The following CLDN2 variants were observed in gnomAD, a reference collection of about 807,000 sequenced individuals.
The protein encoded by CLDN2 is claudin-2.
CLDN2 carries 1 observed loss-of-function variant against 8.2 expected under a neutral mutation model. The ratio of observed to expected loss-of-function variants is 0.12; its 90% CI spans 0.04 to 0.58. The LOEUF (loss-of-function observed/expected upper bound fraction) is 0.58. Among genes scored for constraint, CLDN2 ranks in the 20% least tolerant of loss-of-function variants. CLDN2 has a pLI of 0.90. For synonymous variants in CLDN2, 70 were observed against 70.2 expected (o/e 1.00, Z 0.01); for missense variants, 108 against 172.9 (o/e 0.62, Z 2.11).
rs1933509285 is a variant in CLDN2 at position 106,928,982 on chromosome X, G to A, written c.*61G>A. Reference sequence around the variant, plus strand: ...TGTGAAAAACAGTGGACAGCACCCCGAGGGCCACAGGTGAGGGACACTACC... The same window carrying A: ...TGTGAAAAACAGTGGACAGCACCCCAAGGGCCACAGGTGAGGGACACTACC... On this transcript the variant is annotated 3_prime_UTR_variant, in exon 2 of 2. Coordinates refer to ENST00000336803, the MANE Select transcript of CLDN2 (RefSeq NM_020384.4). 17 of 969,729 alleles carry A rather than the reference G, an allele frequency of 1.8e-5. No homozygotes were observed. Among genetic ancestry groups the A allele is most frequent in the East Asian group, 3.1e-5 (1 of 32,355 alleles). 79.9% of individuals were successfully genotyped at this position (969,729 alleles called of 1,213,427 possible).
Position 106,927,393 on chromosome X carries a change from C to T in CLDN2, c.-178-658C>T, listed in dbSNP as rs189761496. On this transcript the variant is annotated intron_variant, in intron 1 of 1. Transcript: ENST00000336803. ...GAGTGCTCCCTCATCATCCAAGAGG[C>T]TGATGATGGGAGCATCTATTAGGAG... Among the ~76,000 whole-genome samples the T allele has an allele frequency of 5.4e-5, 6 of 111,178 alleles. No individual in the cohort carries two copies. In the East Asian group the frequency reaches 1.7e-3, roughly 32 times the overall value.
At chrX:106,903,332 T>G in intron 1 of CLDN2, 1 of 1,135,239 alleles carries the variant, frequency 8.8e-7, no homozygotes, top group Non-Finnish European at 1.2e-6. Context: ...TCCCAGAACC[T>G]TCTGCACTCT....
At chrX:106,915,379 C>A (rs912649271), upstream of CLDN2, among the ~76,000 whole-genome samples, 7 of 111,851 alleles carry the variant, frequency 6.3e-5, no homozygotes, top group African/African-American at 2.3e-4. Context: ...TTTTGTGGAC[C>A]AGTGGAATTA....
chrX:106,907,693 T>A (rs764134608), intron 1 of CLDN2, among the ~76,000 whole-genome samples: 15 of 95,908 alleles, frequency 1.6e-4, no homozygotes, highest in Non-Finnish European at 2.5e-4. Flanking sequence ...AGAGCGAGAC[T>A]CCGTCTCAAA....
chrX:106,906,562 C>T (rs1375206675), intron 1 of CLDN2, among the ~76,000 whole-genome samples: 1 of 111,276 alleles, frequency 9.0e-6, no homozygotes, highest in Non-Finnish European at 1.9e-5. Context: ...CTTCTACTTC[C>T]CTGAGAAAAC....
At chrX:106,914,251 A>C (rs2147789932), upstream of CLDN2, among the ~76,000 whole-genome samples, 1 of 111,316 alleles carries the variant, frequency 9.0e-6, no homozygotes, top group South Asian at 3.8e-4. Flanking sequence ...GCACCCGGCC[A>C]CAAACCCTCT....
chrX:106,917,616 T>TAGC (rs1933328942), upstream of CLDN2, among the ~76,000 whole-genome samples: 1 of 111,008 alleles, frequency 9.0e-6, no homozygotes, highest in Non-Finnish European at 1.9e-5. Flanking sequence ...TAGACTCCTC[T>TAGC]TTTCATAGCA....
At chrX:106,923,239 C>T (rs1324397167) in intron 1 of CLDN2, among the ~76,000 whole-genome samples, 1 of 112,516 alleles carries the variant, frequency 8.9e-6, no homozygotes, top group African/African-American at 3.2e-5. Context: ...TCCCAAAGTG[C>T]TGGGATTATA....
chrX:106,922,508 C>G (rs770186806), intron 1 of CLDN2, among the ~76,000 whole-genome samples: 1 of 112,509 alleles, frequency 8.9e-6, no homozygotes, highest in Non-Finnish European at 1.9e-5. Flanking sequence ...CAGCTGCCAT[C>G]CCAGGAAGGC....
Position 106,928,960 on chromosome X carries a change from G to C in CLDN2, c.*39G>C. ...AGAGCTGGGGGGTGGCTGGGTCTGT[G>C]AAAAACAGTGGACAGCACCCCGAGG... On this transcript the variant is annotated 3_prime_UTR_variant, in exon 2 of 2. Coordinates refer to ENST00000336803, the MANE Select transcript of CLDN2 (RefSeq NM_020384.4). 1 of 1,108,475 alleles carries C rather than the reference G, an allele frequency of 9.0e-7. No homozygotes were observed. The highest frequency in any genetic ancestry group is 1.2e-6 in the Non-Finnish European group (1 of 809,515). The allele number at this position is 1,108,475 out of a possible 1,213,427, so 91.4% of individuals were successfully genotyped here.
chrX:106,927,678 C>G (rs1338678683), intron 1 of CLDN2, among the ~76,000 whole-genome samples: 1 of 112,436 alleles, frequency 8.9e-6, no homozygotes, highest in Non-Finnish European at 1.9e-5. Context: ...GGATCTGTTC[C>G]TCCTGATGTA....
At chrX:106,902,089 GT>G in intron 1 of CLDN2, 1 of 1,056,324 alleles carries the variant, frequency 9.5e-7, no homozygotes, top group South Asian at 2.0e-5. Context: ...CCTGGTCACT[GT>G]TAATGCATGT....
At chrX:106,918,748 G>C (rs1336138378), upstream of CLDN2, among the ~76,000 whole-genome samples, 1 of 111,512 alleles carries the variant, frequency 9.0e-6, no homozygotes, top group Non-Finnish European at 1.9e-5. Context: ...GGGAATCCTT[G>C]GGAGGGAGTT....
In CLDN2 at chrX:106,930,680, T is replaced by A. The variant is rs1164875011; in HGVS notation, c.*1759T>A. On this transcript the variant is annotated 3_prime_UTR_variant, in exon 2 of 2. Transcript: ENST00000336803. The stretch of plus-strand genomic sequence containing the variant: ...CAACCCTCAATGTATAAATTGCTTC[T>A]TGATGCTTAGCATTCACAATTTTTG... The A allele has an allele frequency of 1.6e-5, 2 of 122,989 alleles. No homozygotes were observed. The highest frequency in any genetic ancestry group is 3.8e-5 in the Non-Finnish European group (2 of 53,177). The allele number at this position is 122,989 out of a possible 1,213,427, so 10.1% of individuals were successfully genotyped here.
At chrX:106,917,672 C>T (rs1464080445), upstream of CLDN2, among the ~76,000 whole-genome samples, 1 of 110,089 alleles carries the variant, frequency 9.1e-6, no homozygotes, top group African/African-American at 3.4e-5. Flanking sequence ...ACAGAGCTCT[C>T]TTTGATTTTC....
chrX:106,926,355 C>T (rs1443089267), intron 1 of CLDN2, among the ~76,000 whole-genome samples: 2 of 111,371 alleles, frequency 1.8e-5, no homozygotes, highest in Non-Finnish European at 3.8e-5. Context: ...AGTCTTGAAG[C>T]TCAGAAGGGT....
At position 106,930,032 on chromosome X, in the gene CLDN2, G is replaced by A. The variant is rs951313095; in HGVS notation, c.*1111G>A. The A allele has an allele frequency of 8.1e-6, 1 of 122,854 alleles. No individual in the cohort carries two copies. Among genetic ancestry groups the A allele is most frequent in the African/African-American group, 3.3e-5 (1 of 30,632 alleles). 10.1% of individuals were successfully genotyped at this position (122,854 alleles called of 1,213,427 possible). Reference sequence around the variant, plus strand: ...TCTGCCAGTGAGAGGCAGCCCCCTAGAAACTCTTCAGGCGTAATGGAAAAT... The same window carrying A: ...TCTGCCAGTGAGAGGCAGCCCCCTAAAAACTCTTCAGGCGTAATGGAAAAT... On this transcript the variant is annotated 3_prime_UTR_variant, in exon 2 of 2. Coordinates refer to ENST00000336803, the MANE Select transcript of CLDN2 (RefSeq NM_020384.4).
At chrX:106,903,239 C>A (rs1334582886) in intron 1 of CLDN2, 1 of 1,209,961 alleles carries the variant, frequency 8.3e-7, no homozygotes, top group East Asian at 3.0e-5. Flanking sequence ...AGGGCCAAAG[C>A]CAGGGCTGGA....
At chrX:106,906,305 C>T (rs1296161565) in intron 1 of CLDN2, among the ~76,000 whole-genome samples, 3 of 111,038 alleles carry the variant, frequency 2.7e-5, no homozygotes, top group Non-Finnish European at 3.8e-5. Context: ...GCCTAGCTAA[C>T]GGACAGACAG....
Sources: gnomAD v4.1 joint callset for allele counts (sites outside exome capture counted in the v4.1 genomes callset) on GRCh38, gnomAD v4.1.1 for gene constraint, MANE v1.5 for transcripts, NCBI Gene and HGNC (gene_info 2026-07-23, HGNC 2026-07-21) for gene names.